Variants in MCTP1 observed in about 807,000 individuals in gnomAD.
MCTP1 encodes the protein multiple C2 and transmembrane domain containing 1, also known as multiple C2 and transmembrane domain-containing protein 1.
Under a neutral mutation model 120.6 loss-of-function variants are expected in MCTP1, and 69 were observed. The observed-to-expected ratio is 0.57, with a 90% CI of 0.47 to 0.70. The LOEUF (loss-of-function observed/expected upper bound fraction) is 0.70. Ranked by LOEUF, MCTP1 falls within the 30% of genes least tolerant of loss-of-function variation. MCTP1 has a pLI of 0.00. For synonymous variants in MCTP1, 529 were observed against 493.1 expected, an observed-to-expected ratio of 1.07 and a Z score of -0.96; for missense variants, 1,203 against 1,248.8, an observed-to-expected ratio of 0.96 and a Z score of 0.55.
chr5:94,915,280 C>T (rs1443256105), intron 8 of MCTP1, among the ~76,000 whole-genome samples: 2 of 152,092 alleles, frequency 1.3e-5, no homozygotes, highest in Non-Finnish European at 1.5e-5. Flanking sequence ...TGACTAGAAC[C>T]CCAATATTTC....
At chr5:95,177,692 G>C (rs1325400910) in intron 1 of MCTP1, among the ~76,000 whole-genome samples, 1 of 152,224 alleles carries the variant, frequency 6.6e-6, no homozygotes, top group Non-Finnish European at 1.5e-5. Context: ...ATAGTGATTT[G>C]TGGACTGAAG....
intron 6 of MCTP1, among the ~76,000 whole-genome samples, chr5:94,929,994 T>C (rs1814154379): frequency 6.6e-6 from 1 of 152,126 alleles, no homozygotes; most frequent in South Asian, 2.1e-4. Flanking sequence ...AAATATAATC[T>C]GCCAAGTACT....
intron 1 of MCTP1, among the ~76,000 whole-genome samples, chr5:95,212,201 C>G (rs1270137761): frequency 1.3e-5 from 2 of 152,138 alleles, no homozygotes; most frequent in Non-Finnish European, 2.9e-5. Flanking sequence ...ACCAATCCCA[C>G]AGAAACACAA....
chr5:94,784,277 T>C (rs1777164994), intron 18 of MCTP1, among the ~76,000 whole-genome samples: 2 of 152,076 alleles, frequency 1.3e-5, no homozygotes, highest in African/African-American at 4.8e-5. Flanking sequence ...TCACTGTGTT[T>C]GTGCATAAAC....
intron 17 of MCTP1, among the ~76,000 whole-genome samples, chr5:94,801,132 A>G (rs915208419): frequency 2.0e-5 from 3 of 152,140 alleles, no homozygotes; most frequent in Non-Finnish European, 2.9e-5. Flanking sequence ...TTCTTTATAT[A>G]TTTATTTGTA....
chr5:95,005,853 T>C (rs1324337197), intron 2 of MCTP1, among the ~76,000 whole-genome samples: 1 of 151,936 alleles, frequency 6.6e-6, no homozygotes, highest in African/African-American at 2.4e-5. Flanking sequence ...TTAAGGAAGA[T>C]TAATAAAACA....
chr5:94,893,625 T>G (rs1803190726), intron 11 of MCTP1, among the ~76,000 whole-genome samples: 1 of 152,220 alleles, frequency 6.6e-6, no homozygotes, highest in Admixed American at 6.5e-5. Context: ...GAAGCGCACA[T>G]CCTGCTAATC....
chr5:94,899,836 T>C (rs1301180669), intron 10 of MCTP1, among the ~76,000 whole-genome samples: 1 of 152,214 alleles, frequency 6.6e-6, no homozygotes, highest in East Asian at 1.9e-4. Flanking sequence ...CTTCCTAGTA[T>C]TCCCTGCCTC....
intron 1 of MCTP1, among the ~76,000 whole-genome samples, chr5:95,065,095 A>G (rs993289255): frequency 6.6e-6 from 1 of 152,146 alleles, no homozygotes; most frequent in East Asian, 1.9e-4. Flanking sequence ...AATAATAACT[A>G]TTAAAACTAT....
At chr5:95,029,205 A>G (rs1281952077) in intron 1 of MCTP1, among the ~76,000 whole-genome samples, 1 of 152,080 alleles carries the variant, frequency 6.6e-6, no homozygotes, top group Non-Finnish European at 1.5e-5. Flanking sequence ...AAATTGTTCA[A>G]ATATAAGTGG....
At position 94,909,324 on chromosome 5, in the gene MCTP1, C is replaced by T. The variant is rs1173313764; in HGVS notation, c.1579G>A (p.Glu527Lys). ...WREQFDFHLY[E>K]ERGGVIDITA... The stretch of plus-strand genomic sequence containing the variant: ...ATATCAATGACTCCTCCTCTTTCTT[C>T]ATAAAGGTGAAAATCAAATTGTTCC... The change falls in exon 10 of 23, where the codon GAA becomes AAA. Residue 527 changes from glutamate (E) to lysine (K), a missense_variant. Physicochemically the swap from Glu to Lys is moderately conservative, Grantham distance 56. Coordinates refer to ENST00000515393, the MANE Select transcript of MCTP1 (RefSeq NM_024717.7). The T allele has an allele frequency of 6.8e-6, 11 of 1,608,474 alleles. No homozygotes were observed. Among genetic ancestry groups the T allele is most frequent in the Admixed American group, 3.4e-5 (2 of 59,052 alleles).
intron 18 of MCTP1, among the ~76,000 whole-genome samples, chr5:94,794,015 G>A: frequency 6.6e-6 from 1 of 152,180 alleles, no homozygotes; most frequent in East Asian, 1.9e-4. Context: ...TCATGAGAAG[G>A]AGCTAACTAA....
At chr5:94,746,161 C>CA (rs1425411309) in intron 19 of MCTP1, among the ~76,000 whole-genome samples, 1 of 152,178 alleles carries the variant, frequency 6.6e-6, no homozygotes, top group African/African-American at 2.4e-5. Flanking sequence ...AGGATTTAGG[C>CA]AGAATCTTTG....
chr5:95,100,128 TG>T (rs1251740787), intron 1 of MCTP1, among the ~76,000 whole-genome samples: 1 of 78,546 alleles, frequency 1.3e-5, no homozygotes, highest in Non-Finnish European at 2.3e-5. Context: ...TGTTGTGGGG[TG>T]GGGGGAGGGG....
At chr5:95,279,862 C>G (rs1760172197) in intron 1 of MCTP1, among the ~76,000 whole-genome samples, 1 of 152,214 alleles carries the variant, frequency 6.6e-6, no homozygotes, top group Non-Finnish European at 1.5e-5. Context: ...AAGGTCTCAT[C>G]TACCCTCTCT....
In MCTP1 at chr5:94,911,900, G is replaced by A. The variant is rs556356323; in HGVS notation, c.1521+906C>T. ...TTGCTGAGTGATTATGGACAAGGCA[G>A]TATTCTAAGCCCTTTAAATGCGTAA... On this transcript the variant is annotated intron_variant, in intron 9 of 22. Coordinates refer to ENST00000515393, the MANE Select transcript of MCTP1 (RefSeq NM_024717.7). 2.6e-5 allele frequency among the ~76,000 whole-genome samples: 4 copies of A among 152,232 alleles called. No individual in the cohort carries two copies. The East Asian group carries it at 7.7e-4, about 29-fold the overall frequency.
intron 19 of MCTP1, among the ~76,000 whole-genome samples, chr5:94,730,519 T>C (rs2152697068): frequency 6.6e-6 from 1 of 152,006 alleles, no homozygotes; most frequent in African/African-American, 2.4e-5. Context: ...AGATGAAGAG[T>C]TGTGTTTGGG....
chr5:95,118,548 T>C (rs1359026497), intron 1 of MCTP1, among the ~76,000 whole-genome samples: 2 of 152,096 alleles, frequency 1.3e-5, no homozygotes, highest in Admixed American at 6.5e-5. Context: ...AATAATAACA[T>C]TGAACATAAA....
intron 1 of MCTP1, among the ~76,000 whole-genome samples, chr5:95,083,012 C>T (rs745484456): frequency 6.6e-6 from 1 of 152,000 alleles, no homozygotes; most frequent in African/African-American, 2.4e-5. Context: ...CTTCTTTATT[C>T]ATTTGTTTAC....
Sources: gnomAD v4.1 joint callset for allele counts (sites outside exome capture counted in the v4.1 genomes callset) on GRCh38, gnomAD v4.1.1 for gene constraint, MANE v1.5 for transcripts, NCBI Gene and HGNC (gene_info 2026-07-23, HGNC 2026-07-21) for gene names.